Variants in SYT16 observed in about 807,000 individuals in gnomAD.
SYT16 encodes synaptotagmin 16, also known as synaptotagmin-16.
SYT16 carries 42 observed loss-of-function variants against 61.4 expected under a neutral mutation model. That is an observed-to-expected ratio of 0.68 (90% CI 0.53 to 0.89). The LOEUF is 0.89. Ranked by LOEUF, SYT16 falls within the 40% of genes least tolerant of loss-of-function variation. SYT16 has a pLI of 0.00. For missense variants in SYT16, 804 were observed against 807.3 expected, an observed-to-expected ratio of 1.00 and a Z score of 0.05; for synonymous variants, 314 against 302.3, an observed-to-expected ratio of 1.04 and a Z score of -0.40.
At chr14:61,867,980 G>C (rs578032427) in intron 1 of SYT16, among the ~76,000 whole-genome samples, 1 of 152,130 alleles carries the variant, frequency 6.6e-6, no homozygotes, top group South Asian at 2.1e-4. Context: ...TTTGAATGTT[G>C]AATCAGTCTT....
intron 1 of SYT16, among the ~76,000 whole-genome samples, chr14:61,947,259 T>C (rs1428942026): frequency 1.4e-5 from 2 of 145,212 alleles, no homozygotes; most frequent in Admixed American, 1.4e-4. Context: ...CCTCTGACTT[T>C]AGTCCTTCGT....
chr14:62,071,929 G>C (rs573956806), intron 4 of SYT16, among the ~76,000 whole-genome samples: 1 of 152,322 alleles, frequency 6.6e-6, no homozygotes, highest in African/African-American at 2.4e-5. Flanking sequence ...TCTAGATTCT[G>C]TGGTGAGGCT....
chr14:61,822,841 G>A (rs1029396559), intron 1 of SYT16, among the ~76,000 whole-genome samples: 1 of 152,150 alleles, frequency 6.6e-6, no homozygotes, highest in Non-Finnish European at 1.5e-5. Context: ...GTGGGTAAAG[G>A]GCACAGAGTG....
intron 1 of SYT16, among the ~76,000 whole-genome samples, chr14:61,863,488 A>G (rs1428082933): frequency 6.6e-6 from 1 of 152,064 alleles, no homozygotes; most frequent in Non-Finnish European, 1.5e-5. Flanking sequence ...GAATTTTAAG[A>G]GTTCTTTGTA....
chr14:61,878,715 C>G (rs1263739976), intron 1 of SYT16, among the ~76,000 whole-genome samples: 1 of 152,104 alleles, frequency 6.6e-6, no homozygotes, highest in East Asian at 1.9e-4. Flanking sequence ...ACTGCAGAAT[C>G]CAAAATAAAT....
At chr14:61,934,999 A>C (rs931133320) in intron 1 of SYT16, among the ~76,000 whole-genome samples, 3 of 152,192 alleles carry the variant, frequency 2.0e-5, no homozygotes, top group Admixed American at 1.3e-4. Flanking sequence ...TATTTATTGC[A>C]TAAATTTAAG....
At chr14:61,844,645 T>C (rs1021339257) in intron 1 of SYT16, among the ~76,000 whole-genome samples, 1 of 152,206 alleles carries the variant, frequency 6.6e-6, no homozygotes, top group Non-Finnish European at 1.5e-5. Context: ...AATGATCATA[T>C]AGTTTTTGTT....
At chr14:61,893,360 G>A (rs796292459) in intron 1 of SYT16, among the ~76,000 whole-genome samples, 21 of 152,250 alleles carry the variant, frequency 1.4e-4, no homozygotes, top group African/African-American at 4.8e-4. Context: ...TTTGATTTTA[G>A]ATATTGTCCT....
rs1408241929 is a variant in SYT16 at position 62,109,373 on chromosome 14, A to G, written c.*8666A>G. 6.6e-6 allele frequency: 1 copy of G among 151,322 alleles called. No homozygotes were observed. The highest frequency in any genetic ancestry group is 1.5e-5 in the Non-Finnish European group (1 of 67,866). The allele number at this position is 151,322 out of a possible 1,614,324, so 9.4% of individuals were successfully genotyped here. ...AGTTCATTTATTTTAAGTGCTGAAT[A>G]ATATTTCATTGTCTGGTTGTATCAC... On this transcript the variant is annotated 3_prime_UTR_variant, in exon 8 of 8. Transcript: ENST00000683842.
chr14:62,016,491 A>T (rs2053682503), intron 3 of SYT16, among the ~76,000 whole-genome samples: 1 of 149,228 alleles, frequency 6.7e-6, no homozygotes, highest in South Asian at 2.1e-4. Flanking sequence ...CAGGAGTTTG[A>T]GACCATCTTG....
At chr14:61,976,886 T>G (rs1292714506) in intron 2 of SYT16, among the ~76,000 whole-genome samples, 1 of 152,126 alleles carries the variant, frequency 6.6e-6, no homozygotes, top group Non-Finnish European at 1.5e-5. Context: ...TTTTTTTCTA[T>G]TGCATAGTCA....
intron 1 of SYT16, among the ~76,000 whole-genome samples, chr14:61,966,902 C>T (rs1376006470): frequency 6.6e-6 from 1 of 152,178 alleles, no homozygotes; most frequent in African/African-American, 2.4e-5. Flanking sequence ...AACATTTATT[C>T]AGGCAACAAA....
intron 4 of SYT16, 109 bp from the exon 5 acceptor site, chr14:62,075,026 G>A (rs2056431825): frequency 1.7e-6 from 2 of 1,199,732 alleles, no homozygotes; most frequent in Non-Finnish European, 2.3e-6. Flanking sequence ...TATTGGTATG[G>A]GTTCTGTTTC....
intron 1 of SYT16, among the ~76,000 whole-genome samples, chr14:61,948,413 T>TAAA (rs769475499): frequency 1.5e-5 from 2 of 131,830 alleles, no homozygotes. Flanking sequence ...TTTAAAAAAC[T>TAAA]AAAAAAAAAA....
At chr14:61,869,347 A>G (rs1413754373) in intron 1 of SYT16, among the ~76,000 whole-genome samples, 3 of 151,258 alleles carry the variant, frequency 2.0e-5, no homozygotes, top group Non-Finnish European at 3.0e-5. Context: ...CTTTGTTTCT[A>G]CCTTCTTTTG....
Position 62,030,479 on chromosome 14 carries a change from AT to A in SYT16, c.523+33940del, listed in dbSNP as rs2054272683. Among the ~76,000 whole-genome samples, 3 of 152,238 alleles carry A rather than the reference AT, an allele frequency of 2.0e-5. No individual in the cohort carries two copies. The South Asian group carries it at 6.2e-4, about 32-fold the overall frequency. ...ACAAGTGTGGCCTCAATTTACCTTA[AT>A]TTGTTGGGAAATAAGAGATACATAG... On this transcript the variant is annotated intron_variant, in intron 3 of 7. Coordinates refer to ENST00000683842, the MANE Select transcript of SYT16 (RefSeq NM_001367656.1).
chr14:61,906,688 C>A (rs2048723495), intron 1 of SYT16, among the ~76,000 whole-genome samples: 1 of 151,188 alleles, frequency 6.6e-6, no homozygotes, highest in African/African-American at 2.4e-5. Flanking sequence ...TACACTAACT[C>A]AAGATGTACC....
chr14:61,872,456 C>T (rs1280270230), intron 1 of SYT16, among the ~76,000 whole-genome samples: 1 of 152,014 alleles, frequency 6.6e-6, no homozygotes, highest in Admixed American at 6.6e-5. Context: ...GCTGTCTTAT[C>T]TAAATTTAAA....
At chr14:61,916,879 A>G (rs181792688) in intron 1 of SYT16, among the ~76,000 whole-genome samples, 6 of 152,252 alleles carry the variant, frequency 3.9e-5, no homozygotes, top group Admixed American at 6.5e-5. Flanking sequence ...CACTTAAGAC[A>G]GTGACCTCCA....
Sources: gnomAD v4.1 joint callset for allele counts (sites outside exome capture counted in the v4.1 genomes callset) on GRCh38, gnomAD v4.1.1 for gene constraint, MANE v1.5 for transcripts, NCBI Gene and HGNC (gene_info 2026-07-23, HGNC 2026-07-21) for gene names.